ME1: variants seen among roughly 807,000 people sequenced by gnomAD.
ME1 encodes NADP-dependent malic enzyme.
Under a neutral mutation model 66.4 loss-of-function variants are expected in ME1, and 74 were observed. The observed-to-expected ratio is 1.11, with a 90% CI of 0.92 to 1.35. The LOEUF is 1.35. ME1 is among the 40% of genes most tolerant of loss of function. The pLI is 0.00. For synonymous variants in ME1, 251 were observed against 235.6 expected (o/e 1.07, Z -0.60); for missense variants, 750 against 694.1 (o/e 1.08, Z -0.90).
intron 9 of ME1, 74 bp downstream of exon 9, chr6:83,237,643 C>A: frequency 1.4e-6 from 1 of 713,314 alleles, no homozygotes; most frequent in Non-Finnish European, 2.3e-6. Context: ...GTGGTAGAAA[C>A]AGAGTTGTCT....
At chr6:83,270,755 A>C (rs1434250343) in intron 6 of ME1, among the ~76,000 whole-genome samples, 2 of 152,164 alleles carry the variant, frequency 1.3e-5, no homozygotes, top group African/African-American at 4.8e-5. Context: ...TTATTTTGCT[A>C]GAAAATACCT....
At chr6:83,389,757 C>A (rs545248965) in intron 3 of ME1, among the ~76,000 whole-genome samples, 1 of 152,024 alleles carries the variant, frequency 6.6e-6, no homozygotes, top group African/African-American at 2.4e-5. Flanking sequence ...TTAAGTAACA[C>A]AGGAAGCTCA....
At chr6:83,222,414 C>G (rs1015361545) in intron 12 of ME1, among the ~76,000 whole-genome samples, 7 of 152,112 alleles carry the variant, frequency 4.6e-5, no homozygotes, top group African/African-American at 1.7e-4. Flanking sequence ...TCTTTGTCTA[C>G]ATTCTTGGGG....
At chr6:83,229,026 T>C in intron 9 of ME1, 95 bp from the exon 10 acceptor site, 1 of 765,492 alleles carries the variant, frequency 1.3e-6, no homozygotes, top group South Asian at 1.7e-5. Context: ...ATGCTTAACA[T>C]TTTTATGTAT....
chr6:83,274,443 T>C (rs1767139263), intron 6 of ME1, among the ~76,000 whole-genome samples: 1 of 152,220 alleles, frequency 6.6e-6, no homozygotes, highest in African/African-American at 2.4e-5. Flanking sequence ...AAATAGTATA[T>C]TATAGATAAG....
chr6:83,254,284 G>T (rs1790768527), intron 6 of ME1, among the ~76,000 whole-genome samples: 1 of 152,144 alleles, frequency 6.6e-6, no homozygotes, highest in Non-Finnish European at 1.5e-5. Context: ...AAATGTAAGG[G>T]TGTAGTGAAA....
intron 3 of ME1, among the ~76,000 whole-genome samples, chr6:83,375,153 G>A (rs1300331841): frequency 1.3e-5 from 2 of 152,112 alleles, no homozygotes; most frequent in Non-Finnish European, 2.9e-5. Context: ...TAGTTTGATG[G>A]GAATAGCATT....
At chr6:83,383,028 A>G (rs1425311126) in intron 3 of ME1, among the ~76,000 whole-genome samples, 2 of 151,958 alleles carry the variant, frequency 1.3e-5, no homozygotes, top group Non-Finnish European at 2.9e-5. Context: ...CCCGAAAAAG[A>G]GGAAATTCTG....
intron 7 of ME1, among the ~76,000 whole-genome samples, chr6:83,243,303 T>G (rs776832322): frequency 7.0e-6 from 1 of 142,528 alleles, no homozygotes; most frequent in African/African-American, 2.6e-5. Context: ...TTATATATAA[T>G]ATACAATTAT....
In ME1 at chr6:83,352,077, T is replaced by C; in HGVS notation, c.425A>G (p.Glu142Gly). Residue 142 changes from glutamate (E) to glycine (G), a missense_variant, in exon 4 of 14, where the codon GAA becomes GGA. Physicochemically the swap from Glu to Gly is moderately conservative, Grantham distance 98. Transcript: ENST00000369705. Reference protein sequence around the residue: ...HIASVLNAWPEDVIKAIVVTD... With the variant: ...HIASVLNAWPGDVIKAIVVTD... ...ATGATAACTTACCTTGATGACATCT[T>C]CTGGCCATGCATTGAGAACTGAAGC... The C allele has an allele frequency of 6.2e-7, 1 of 1,602,236 alleles. No homozygotes were observed. The highest frequency in any genetic ancestry group is 8.5e-7 in the Non-Finnish European group (1 of 1,174,048).
At chr6:83,230,882 A>G (rs1790295563) in intron 9 of ME1, among the ~76,000 whole-genome samples, 1 of 152,142 alleles carries the variant, frequency 6.6e-6, no homozygotes, top group Non-Finnish European at 1.5e-5. Context: ...GCAGTAAGCC[A>G]AGATCACACC....
intron 7 of ME1, among the ~76,000 whole-genome samples, chr6:83,243,821 A>G (rs1790561083): frequency 7.5e-6 from 1 of 133,756 alleles, no homozygotes; most frequent in Non-Finnish European, 1.5e-5. Flanking sequence ...TTATATTTAT[A>G]TAATATAATA....
chr6:83,226,999 G>A (rs951953943), intron 11 of ME1, among the ~76,000 whole-genome samples: 11 of 152,234 alleles, frequency 7.2e-5, no homozygotes, highest in African/African-American at 2.4e-4. Flanking sequence ...CAGTGTTTGG[G>A]AATAGCTAGT....
At chr6:83,248,933 AT>A (rs1269623859) in intron 7 of ME1, among the ~76,000 whole-genome samples, 2 of 152,188 alleles carry the variant, frequency 1.3e-5, no homozygotes, top group African/African-American at 4.8e-5. Context: ...ACACCTGGAA[AT>A]TTCCAGATTA....
chr6:83,212,043 G>T lies in ME1; in HGVS notation c.1600C>A (p.Gln534Lys), dbSNP rs1335819329. 6.2e-7 allele frequency: 1 copy of T among 1,612,710 alleles called. No individual in the cohort carries two copies. The highest frequency in any genetic ancestry group is 8.5e-7 in the Non-Finnish European group (1 of 1,179,178). Residue 534 changes from glutamine (Q) to lysine (K), a missense_variant, in exon 14 of 14, where the codon CAA (glutamine) becomes AAA (lysine). By Grantham distance (53) the Gln-to-Lys change is moderately conservative. Coordinates refer to ENST00000369705, the MANE Select transcript of ME1 (RefSeq NM_002395.6). ...EKTATVYPEP[Q>K]NKEAFVRSQM... is the part of the protein sequence containing the mutation. ...GAGCGGACAAATGCTTCTTTGTTTT[G>T]CGGTTCAGGATAAACTGTGGCTGTC...
chr6:83,223,550 A>C (rs1170358682), intron 12 of ME1, among the ~76,000 whole-genome samples: 1 of 152,178 alleles, frequency 6.6e-6, no homozygotes, highest in Admixed American at 6.5e-5. Context: ...TCAAAAACAC[A>C]ATTTTTCTAA....
chr6:83,394,457 T>C (rs1179512772), intron 3 of ME1, among the ~76,000 whole-genome samples: 2 of 152,202 alleles, frequency 1.3e-5, no homozygotes, highest in Non-Finnish European at 2.9e-5. Context: ...TAAAAAAATT[T>C]TAATGTAGTT....
intron 3 of ME1, among the ~76,000 whole-genome samples, chr6:83,362,147 C>G (rs1167132529): frequency 6.6e-6 from 1 of 152,218 alleles, no homozygotes; most frequent in African/African-American, 2.4e-5. Context: ...GAACCTCAAG[C>G]AGTGCAACTG....
intron 6 of ME1, among the ~76,000 whole-genome samples, chr6:83,312,175 A>G (rs958066153): frequency 3.9e-5 from 6 of 152,184 alleles, no homozygotes; most frequent in African/African-American, 1.4e-4. Flanking sequence ...TGCACTGGAG[A>G]AGGACTATTC....
Sources: gnomAD v4.1 joint callset for allele counts (sites outside exome capture counted in the v4.1 genomes callset) on GRCh38, gnomAD v4.1.1 for gene constraint, MANE v1.5 for transcripts, NCBI Gene and HGNC (gene_info 2026-07-23, HGNC 2026-07-21) for gene names.